Variants in FBLN2 observed in about 807,000 individuals in gnomAD.
FBLN2 encodes fibulin-2.
A neutral mutation model predicts 123.7 loss-of-function variants in FBLN2; 81 were observed. The observed-to-expected ratio is 0.65, with a 90% CI of 0.55 to 0.79. The LOEUF (loss-of-function observed/expected upper bound fraction) is 0.79. Among genes scored for constraint, FBLN2 ranks in the 30% least tolerant of loss-of-function variants. The probability of loss-of-function intolerance (pLI) is 0.00; values close to 1 mark genes in which losing one functional copy is unlikely to be tolerated. For missense variants in FBLN2, 1,603 were observed against 1,681.3 expected, an observed-to-expected ratio of 0.95 and a Z score of 0.81; for synonymous variants, 699 against 701.4, an observed-to-expected ratio of 1.00 and a Z score of 0.05.
intron 9 of FBLN2, among the ~76,000 whole-genome samples, chr3:13,623,005 CG>C (rs1705908704): frequency 6.6e-6 from 1 of 152,242 alleles, no homozygotes; most frequent in Non-Finnish European, 1.5e-5. Flanking sequence ...ACCAGAGCCC[CG>C]TTTGTCTTCT....
chr3:13,598,813 C>A (rs1355305894), intron 2 of FBLN2, among the ~76,000 whole-genome samples: 1 of 152,166 alleles, frequency 6.6e-6, no homozygotes, highest in Non-Finnish European at 1.5e-5. Flanking sequence ...ACAGGGACAT[C>A]ATGGTCGAAG....
chr3:13,618,673 C>T (rs1045785061), intron 6 of FBLN2, among the ~76,000 whole-genome samples: 7 of 152,206 alleles, frequency 4.6e-5, no homozygotes, highest in African/African-American at 1.7e-4. Flanking sequence ...CCTTTCCCCC[C>T]TCTCTTCTTC....
intron 1 of FBLN2, among the ~76,000 whole-genome samples, chr3:13,565,873 C>G (rs1030786481): frequency 1.3e-5 from 2 of 152,242 alleles, no homozygotes; most frequent in African/African-American, 4.8e-5. Flanking sequence ...GTGCTGAATT[C>G]TCACATGGGT....
At chr3:13,553,966 C>T (rs1045379393) in intron 1 of FBLN2, among the ~76,000 whole-genome samples, 1 of 152,234 alleles carries the variant, frequency 6.6e-6, no homozygotes, top group African/African-American at 2.4e-5. Context: ...AGGAGGAGGG[C>T]TCTGAAGTGT....
chr3:13,614,738 GTATC>G (rs1245632181), intron 5 of FBLN2, among the ~76,000 whole-genome samples: 2 of 138,696 alleles, frequency 1.4e-5, no homozygotes, highest in Admixed American at 1.5e-4. Flanking sequence ...ATTCATCCAT[GTATC>G]TATCTACCTA....
intron 1 of FBLN2, among the ~76,000 whole-genome samples, chr3:13,562,350 A>T (rs1164989010): frequency 2.0e-5 from 3 of 148,414 alleles, no homozygotes; most frequent in Non-Finnish European, 1.5e-5. Context: ...CGTAACATGA[A>T]GTTTACTTTT....
intron 16 of FBLN2, among the ~76,000 whole-genome samples, chr3:13,633,676 G>C (rs970718096): frequency 1.4e-4 from 21 of 152,202 alleles, no homozygotes; most frequent in African/African-American, 4.3e-4. Flanking sequence ...GAATGTGTTG[G>C]ATAATGTCCC....
intron 1 of FBLN2, among the ~76,000 whole-genome samples, chr3:13,555,603 C>T (rs542898167): frequency 7.2e-5 from 11 of 152,156 alleles, no homozygotes; most frequent in South Asian, 4.2e-4. Context: ...TACAGGCGCC[C>T]GCCACCATGC....
Position 13,571,622 on chromosome 3 carries a change from C to A in FBLN2, c.1267C>A (p.Pro423Thr), listed in dbSNP as rs1703961533. The A allele has an allele frequency of 6.2e-7, 1 of 1,609,754 alleles. No homozygotes were observed. The highest frequency in any genetic ancestry group is 8.5e-7 in the Non-Finnish European group (1 of 1,177,852). The change falls in exon 2 of 18, where the codon CCC (proline) becomes ACC (threonine). Residue 423 changes from proline to threonine, a missense_variant. Physicochemically the swap from Pro to Thr is conservative, Grantham distance 38. Transcript: ENST00000404922. ...TTCCCACGTGGAGGAGGACACAGAC[C>A]CCAACTCTGTCCATTCTATCCCCAG... The part of the protein sequence containing the change: ...PHSHVEEDTD[P>T]NSVHSIPRSS...
intron 1 of FBLN2, among the ~76,000 whole-genome samples, chr3:13,561,243 G>T (rs1252747851): frequency 6.6e-6 from 1 of 152,132 alleles, no homozygotes; most frequent in African/African-American, 2.4e-5. Flanking sequence ...TCTCAAAAGG[G>T]GTGTCTACAG....
intron 9 of FBLN2, among the ~76,000 whole-genome samples, chr3:13,622,765 C>T (rs1574993206): frequency 6.6e-6 from 1 of 152,228 alleles, no homozygotes; most frequent in East Asian, 1.9e-4. Context: ...GAACTGTAAA[C>T]CCTTGTGTCC....
intron 1 of FBLN2, among the ~76,000 whole-genome samples, chr3:13,552,980 A>T (rs1017266960): frequency 1.3e-5 from 2 of 151,980 alleles, no homozygotes; most frequent in Non-Finnish European, 2.9e-5. Context: ...GCCATCCTGG[A>T]GGAGAACGCT....
chr3:13,615,144 G>T (rs538267153), intron 5 of FBLN2, among the ~76,000 whole-genome samples: 1 of 152,360 alleles, frequency 6.6e-6, no homozygotes, highest in Non-Finnish European at 1.5e-5. Flanking sequence ...CTGGACCCAT[G>T]ACCATTAGCC....
chr3:13,593,486 TG>T (rs1199578486), intron 2 of FBLN2, among the ~76,000 whole-genome samples: 2 of 151,638 alleles, frequency 1.3e-5, no homozygotes, highest in African/African-American at 2.4e-5. Flanking sequence ...GAGGCTGAGG[TG>T]GGTGGATCAC....
intron 2 of FBLN2, among the ~76,000 whole-genome samples, chr3:13,597,381 C>T (rs1414914627): frequency 6.6e-6 from 1 of 152,188 alleles, no homozygotes. Flanking sequence ...TCGCCCCTGA[C>T]ACCCCACTCC....
intron 2 of FBLN2, among the ~76,000 whole-genome samples, chr3:13,596,290 A>G (rs1370533813): frequency 1.3e-5 from 2 of 152,188 alleles, no homozygotes; most frequent in Non-Finnish European, 2.9e-5. Context: ...GGTGCATGCC[A>G]CCATGCCTGG....
chr3:13,549,448 C>T (rs1212531441), intron 1 of FBLN2, among the ~76,000 whole-genome samples: 5 of 151,460 alleles, frequency 3.3e-5, no homozygotes, highest in African/African-American at 1.2e-4. Context: ...GAGGCCGGCG[C>T]GGGGTGGGGG....
chr3:13,571,352 G>A lies in FBLN2; in HGVS notation c.997G>A (p.Gly333Arg). 6.2e-7 allele frequency: 1 copy of A among 1,611,618 alleles called. No homozygotes were observed. The highest frequency in any genetic ancestry group is 8.5e-7 in the Non-Finnish European group (1 of 1,179,112). The change falls in exon 2 of 18, where the codon GGG becomes AGG. Residue 333 changes from glycine (G) to arginine (R), a missense_variant. By Grantham distance (125) the Gly-to-Arg change is moderately radical (BLOSUM62 -2). Coordinates refer to ENST00000404922, the MANE Select transcript of FBLN2 (RefSeq NM_001004019.2). ...AGAAGCTGGGGCAAGGGCAGAAGCT[G>A]GGGCAAGGCCTGAAGAGAACCTCAT... ...RAEAGARAEA[G>R]ARPEENLILD...
intron 11 of FBLN2, 131 bp downstream of exon 11, chr3:13,628,100 C>T (rs1264902591): frequency 8.2e-7 from 1 of 1,212,376 alleles, no homozygotes; most frequent in Non-Finnish European, 1.1e-6. Flanking sequence ...CCCCTTGTCC[C>T]TACCTGTGAA....
Sources: allele counts gnomAD v4.1 joint callset (sites outside exome capture counted in the v4.1 genomes callset), GRCh38; gene constraint gnomAD v4.1.1; transcripts MANE v1.5; gene names NCBI Gene and HGNC (gene_info 2026-07-23, HGNC 2026-07-21).